Variants in NOVA1 observed in about 807,000 individuals in gnomAD.
The protein encoded by NOVA1 is RNA-binding protein Nova-1.
Under a neutral mutation model 38.0 loss-of-function variants are expected in NOVA1, and 7 were observed. The ratio of observed to expected loss-of-function variants is 0.18; its 90% confidence interval spans 0.10 to 0.35. NOVA1 has a LOEUF of 0.35. NOVA1 is among the 10% of genes least tolerant of loss of function. The pLI, the probability that NOVA1 is intolerant of heterozygous loss-of-function variation, is 1.00. For synonymous variants in NOVA1, 270 were observed against 232.5 expected (o/e 1.16, Z -1.47); for missense variants, 460 against 616.0 (o/e 0.75, Z 2.68).
intron 2 of NOVA1, among the ~76,000 whole-genome samples, chr14:26,492,062 T>G (rs1335552725): frequency 6.6e-6 from 1 of 152,226 alleles, no homozygotes; most frequent in Non-Finnish European, 1.5e-5. Flanking sequence ...ACTCACCCAT[T>G]AAATGGGATG....
Position 26,448,803 on chromosome 14 carries a change from G to A in NOVA1, c.680C>T (p.Pro227Leu). ...TTCAACAGCTTTTCGGTTTTGTTCA[G>A]GTTCTCCACTCACAGTGACAACCCT... Reference protein sequence around the residue: ...QERVVTVSGEPEQNRKAVELI... With the variant: ...QERVVTVSGELEQNRKAVELI... Residue 227 changes from proline (P) to leucine (L), a missense_variant, in exon 5 of 5, where the codon CCT becomes CTT. Transcript: ENST00000539517. This position sits in a 1 kb window ranked among gnomAD's most constrained non-coding sequence, Gnocchi z 5.3. 11 of 1,613,990 alleles carry A rather than the reference G, an allele frequency of 6.8e-6. No individual in the cohort carries two copies. Among genetic ancestry groups the A allele is most frequent in the Non-Finnish European group, 9.3e-6 (11 of 1,180,004 alleles).
At chr14:26,533,893 T>C (rs1051726377) in intron 2 of NOVA1, among the ~76,000 whole-genome samples, 3 of 152,064 alleles carry the variant, frequency 2.0e-5, no homozygotes, top group East Asian at 1.9e-4. Flanking sequence ...CACTCAAAAA[T>C]AGCCAAGAAA....
chr14:26,549,842 G>T, intron 2 of NOVA1: 1 of 794,942 alleles, frequency 1.3e-6, no homozygotes, highest in Non-Finnish European at 1.9e-6. Context: ...GCTGCAATTC[G>T]GTGGTGGGTG....
At chr14:26,480,304 A>T (rs1426432184) in intron 2 of NOVA1, among the ~76,000 whole-genome samples, 161 bp from the exon 3 acceptor site, 1 of 152,180 alleles carries the variant, frequency 6.6e-6, no homozygotes, top group African/African-American at 2.4e-5. Context: ...TCTTCTCATG[A>T]TTCCTTTTAT....
At chr14:26,496,319 C>T (rs1235993698) in intron 2 of NOVA1, among the ~76,000 whole-genome samples, 2 of 152,082 alleles carry the variant, frequency 1.3e-5, no homozygotes, top group Non-Finnish European at 2.9e-5. Context: ...CTGTTCATGT[C>T]CTTCGCCCAC....
chr14:26,519,975 T>G (rs556246103), intron 2 of NOVA1, among the ~76,000 whole-genome samples: 1 of 152,338 alleles, frequency 6.6e-6, no homozygotes, highest in East Asian at 1.9e-4. Context: ...GTAGTTATGA[T>G]CTATTAAGTT....
chr14:26,453,211 T>TG (rs1302419807), intron 4 of NOVA1, among the ~76,000 whole-genome samples: 12 of 147,734 alleles, frequency 8.1e-5, no homozygotes, highest in African/African-American at 3.0e-4. Context: ...TATGTATGTA[T>TG]TTATTTATTT....
At position 26,448,672 on chromosome 14, in the gene NOVA1, G is replaced by C; in HGVS notation, c.811C>G (p.Pro271Ala). ...AACACTTCAGCAGTGTTTGCATAAG[G>C]AGATCCGGTTGGATTGGAATTTGCC... ...PVANSNPTGS[P>A]YANTAEVLPT... The change falls in exon 5 of 5, where the codon CCT becomes GCT. Residue 271 changes from proline (P) to alanine (A), a missense_variant. Physicochemically the swap from Pro to Ala is conservative, Grantham distance 27 (BLOSUM62 -1). Transcript: ENST00000539517. This position sits in a 1 kb window ranked among gnomAD's most constrained non-coding sequence, Gnocchi z 5.3. The C allele has an allele frequency of 6.2e-7, 1 of 1,614,182 alleles. No individual in the cohort carries two copies. Among genetic ancestry groups the C allele is most frequent in the South Asian group, 1.1e-5 (1 of 91,082 alleles).
At chr14:26,529,607 G>A (rs909604939) in intron 2 of NOVA1, among the ~76,000 whole-genome samples, 2 of 152,124 alleles carry the variant, frequency 1.3e-5, no homozygotes, top group African/African-American at 4.8e-5. Context: ...AGAATGGTTC[G>A]TGATCCTCTG....
chr14:26,478,073 C>T (rs1885132049), intron 3 of NOVA1, among the ~76,000 whole-genome samples: 1 of 151,758 alleles, frequency 6.6e-6, no homozygotes, highest in African/African-American at 2.4e-5. Context: ...GATGCAAATA[C>T]ACAAAAGTCA....
At chr14:26,596,868 T>C (rs916987125) in intron 1 of NOVA1, 3 of 1,135,236 alleles carry the variant, frequency 2.6e-6, no homozygotes, top group Admixed American at 8.3e-5. Flanking sequence ...TCATTCGCAA[T>C]CCGCTACCCA....
intron 2 of NOVA1, among the ~76,000 whole-genome samples, chr14:26,529,137 T>C (rs1889515865): frequency 6.6e-6 from 1 of 151,978 alleles, no homozygotes; most frequent in Admixed American, 6.6e-5. Flanking sequence ...GCTTTTTTTT[T>C]TTTCCTTTTT....
At chr14:26,560,851 A>G (rs770235154) in intron 2 of NOVA1, among the ~76,000 whole-genome samples, 5 of 152,200 alleles carry the variant, frequency 3.3e-5, no homozygotes, top group Non-Finnish European at 5.9e-5. Context: ...TCTGGCTCAC[A>G]GTAAATTTCA....
intron 4 of NOVA1, among the ~76,000 whole-genome samples, chr14:26,465,876 AAC>A (rs1429507221): frequency 3.3e-5 from 5 of 152,278 alleles, no homozygotes; most frequent in Admixed American, 1.3e-4. Flanking sequence ...GAGAGTAAGA[AAC>A]ACAATACACA....
At chr14:26,467,001 C>T (rs1884196369) in intron 4 of NOVA1, among the ~76,000 whole-genome samples, 1 of 152,062 alleles carries the variant, frequency 6.6e-6, no homozygotes, top group Non-Finnish European at 1.5e-5. Context: ...ACAAAATGGA[C>T]CAAAATGGAC....
chr14:26,543,287 T>C (rs1890585012), intron 2 of NOVA1, among the ~76,000 whole-genome samples: 2 of 152,098 alleles, frequency 1.3e-5, no homozygotes, highest in African/African-American at 2.4e-5. Context: ...AATAAGGAGA[T>C]AGAAGTATTA....
intron 4 of NOVA1, among the ~76,000 whole-genome samples, chr14:26,449,795 C>G (rs1002015698): frequency 1.5e-4 from 23 of 151,988 alleles, no homozygotes; most frequent in Admixed American, 1.3e-3. Context: ...ACCATATTTT[C>G]AGAGGATACT....
At chr14:26,578,060 A>G (rs1892972790) in intron 2 of NOVA1, among the ~76,000 whole-genome samples, 1 of 152,082 alleles carries the variant, frequency 6.6e-6, no homozygotes, top group Non-Finnish European at 1.5e-5. Context: ...GTGTACCAGA[A>G]GCAAAATGAA....
At chr14:26,449,957 T>A (rs1291973914) in intron 4 of NOVA1, among the ~76,000 whole-genome samples, 1 of 152,206 alleles carries the variant, frequency 6.6e-6, no homozygotes, top group South Asian at 2.1e-4. Context: ...AATATGACAT[T>A]TTCTATCATC....
Sources: allele counts gnomAD v4.1 joint callset (sites outside exome capture counted in the v4.1 genomes callset), GRCh38; gene constraint gnomAD v4.1.1; non-coding constraint Gnocchi (gnomAD v3.1); transcripts MANE v1.5; gene names NCBI Gene and HGNC (gene_info 2026-07-23, HGNC 2026-07-21).